The following ROR1 variants were observed in gnomAD, a reference collection of about 807,000 sequenced individuals.
ROR1 encodes ROR family WNT receptor 1.
Under a neutral mutation model 78.8 loss-of-function variants are expected in ROR1, and 19 were observed. The observed-to-expected ratio is 0.24, with a 90% CI of 0.17 to 0.35. The LOEUF is 0.35. Ranked by LOEUF, ROR1 falls within the 10% of genes least tolerant of loss-of-function variation. The pLI is 1.00. For synonymous variants in ROR1, 386 were observed against 433.6 expected (o/e 0.89, Z 1.36); for missense variants, 917 against 1,177.8 (o/e 0.78, Z 3.24).
intron 1 of ROR1, among the ~76,000 whole-genome samples, chr1:63,947,463 C>A (rs1326025915): frequency 6.6e-6 from 1 of 152,170 alleles, no homozygotes; most frequent in Non-Finnish European, 1.5e-5. Flanking sequence ...AGTGTTAAAG[C>A]ATTCCCATCC....
chr1:63,790,502 T>C (rs1337505417), intron 1 of ROR1, among the ~76,000 whole-genome samples: 2 of 152,216 alleles, frequency 1.3e-5, no homozygotes, highest in African/African-American at 2.4e-5. Flanking sequence ...TTTCCCAACA[T>C]GGAGTCTGTG....
intron 1 of ROR1, among the ~76,000 whole-genome samples, chr1:63,834,681 C>G (rs1265929117): frequency 2.6e-5 from 4 of 152,166 alleles, no homozygotes; most frequent in African/African-American, 9.7e-5. Flanking sequence ...CAGGCCTCCT[C>G]CTCTTCTAGC....
chr1:64,166,298 C>T (rs906979859), intron 8 of ROR1, among the ~76,000 whole-genome samples: 2 of 152,176 alleles, frequency 1.3e-5, no homozygotes, highest in Non-Finnish European at 2.9e-5. Context: ...AGTCAGCTAG[C>T]ATGATGCCTC....
chr1:64,022,532 A>C (rs935823916), intron 2 of ROR1, among the ~76,000 whole-genome samples: 1 of 152,180 alleles, frequency 6.6e-6, no homozygotes, highest in African/African-American at 2.4e-5. Flanking sequence ...TTGCAACGCT[A>C]ACTGTTTTTA....
intron 1 of ROR1, among the ~76,000 whole-genome samples, chr1:63,889,133 A>G (rs1019987233): frequency 1.3e-5 from 2 of 152,190 alleles, no homozygotes; most frequent in African/African-American, 2.4e-5. Flanking sequence ...TCTGCTTAAG[A>G]CATGGCTTTC....
At chr1:63,818,034 A>G (rs1195838418) in intron 1 of ROR1, among the ~76,000 whole-genome samples, 1 of 152,196 alleles carries the variant, frequency 6.6e-6, no homozygotes, top group East Asian at 1.9e-4. Flanking sequence ...TTCAGCCTTT[A>G]CAGTAACCCT....
intron 4 of ROR1, among the ~76,000 whole-genome samples, chr1:64,101,410 G>A (rs1647535796): frequency 6.6e-6 from 1 of 152,110 alleles, no homozygotes; most frequent in South Asian, 2.1e-4. Context: ...GATTAAGAGA[G>A]GAGGGATTAA....
At chr1:64,018,340 T>G (rs1262660100) in intron 2 of ROR1, among the ~76,000 whole-genome samples, 1 of 152,172 alleles carries the variant, frequency 6.6e-6, no homozygotes, top group African/African-American at 2.4e-5. Context: ...AAACACAACA[T>G]CCTATTTCAA....
intron 7 of ROR1, among the ~76,000 whole-genome samples, chr1:64,146,134 G>A (rs2100717104): frequency 6.6e-6 from 1 of 152,264 alleles, no homozygotes; most frequent in South Asian, 2.1e-4. Context: ...CTGAGTACCT[G>A]GGACTACAGG....
intron 4 of ROR1, chr1:64,106,736 C>G (rs1647830800): frequency 6.6e-6 from 1 of 152,086 alleles, no homozygotes. Flanking sequence ...GTCTTTGGTT[C>G]TGTTTATGTG....
At chr1:63,891,657 C>T (rs964896866) in intron 1 of ROR1, among the ~76,000 whole-genome samples, 2 of 152,020 alleles carry the variant, frequency 1.3e-5, no homozygotes, top group South Asian at 2.1e-4. Context: ...ATTCATGCCT[C>T]GAGTATGCAT....
At chr1:64,065,990 TAA>T (rs1646952855) in intron 4 of ROR1, among the ~76,000 whole-genome samples, 3 of 152,200 alleles carry the variant, frequency 2.0e-5, no homozygotes, top group African/African-American at 7.2e-5. Flanking sequence ...TGAACAATGG[TAA>T]AGTCATCCAG....
chr1:63,793,890 G>T (rs1443103480), intron 1 of ROR1, among the ~76,000 whole-genome samples: 2 of 152,202 alleles, frequency 1.3e-5, no homozygotes, highest in Non-Finnish European at 2.9e-5. Flanking sequence ...CTGGGGTTGG[G>T]ATAACAGCCT....
At chr1:63,811,204 T>C (rs1644858064) in intron 1 of ROR1, among the ~76,000 whole-genome samples, 1 of 152,198 alleles carries the variant, frequency 6.6e-6, no homozygotes. Context: ...GAGCACCCTT[T>C]CCTTTAAAGT....
intron 1 of ROR1, among the ~76,000 whole-genome samples, chr1:63,850,560 G>C (rs371184284): frequency 5.0e-4 from 56 of 113,022 alleles, no homozygotes; most frequent in African/African-American, 3.4e-3. Context: ...TTATTCAACA[G>C]GTATGAGAAA....
chr1:63,863,683 A>G (rs186951730), intron 1 of ROR1, among the ~76,000 whole-genome samples: 3 of 151,958 alleles, frequency 2.0e-5, no homozygotes, highest in African/African-American at 4.8e-5. Flanking sequence ...TTCACAGACT[A>G]CATTTTCCAG....
Position 64,140,270 on chromosome 1 carries a change from G to A in ROR1, c.772G>A (p.Val258Ile), listed in dbSNP as rs1386277195. Residue 258 changes from valine to isoleucine, a missense_variant, in exon 6 of 9, where the codon GTC (valine) becomes ATC (isoleucine). Physicochemically the swap from Val to Ile is conservative, Grantham distance 29. This residue lies in a region of ROR1 where 835 missense variants were observed against 1,069.8 expected (regional missense o/e 0.78). Transcript: ENST00000371079. ...CRDECEILENVLCQTEYIFAR... is the reference protein window; with the variant it reads ...CRDECEILENILCQTEYIFAR... ...CGATGAATGTGAAATCCTGGAGAAT[G>A]TCCTGTGTCAAACAGAGTACATTTT... The A allele has an allele frequency of 8.7e-6, 14 of 1,614,138 alleles. No individual in the cohort carries two copies. Among genetic ancestry groups the A allele is most frequent in the Non-Finnish European group, 1.1e-5 (13 of 1,180,022 alleles).
chr1:64,158,730 C>CCCACAT (rs2100729257), intron 7 of ROR1, among the ~76,000 whole-genome samples: 1 of 152,292 alleles, frequency 6.6e-6, no homozygotes, highest in South Asian at 2.1e-4. Context: ...AGGACCCACA[C>CCCACAT]ACGTACAAAG....
chr1:64,103,979 T>A (rs1647677634), intron 4 of ROR1, among the ~76,000 whole-genome samples: 1 of 152,088 alleles, frequency 6.6e-6, no homozygotes, highest in African/African-American at 2.4e-5. Context: ...TATGAGCATC[T>A]AGTAGGTTAA....
Sources: allele counts gnomAD v4.1 joint callset (sites outside exome capture counted in the v4.1 genomes callset), GRCh38; gene constraint gnomAD v4.1.1; regional missense constraint gnomAD v4.1.1; transcripts MANE v1.5; gene names NCBI Gene and HGNC (gene_info 2026-07-23, HGNC 2026-07-21).